KIF3A: variants seen among roughly 807,000 people sequenced by gnomAD.
The protein encoded by KIF3A is kinesin family member 3A.
KIF3A carries 27 observed loss-of-function variants against 92.6 expected under a neutral mutation model. The ratio of observed to expected loss-of-function variants is 0.29; its 90% confidence interval spans 0.21 to 0.40. The LOEUF is 0.40. KIF3A is among the 10% of genes least tolerant of loss of function. The pLI, the probability that KIF3A is intolerant of heterozygous loss-of-function variation, is 1.00. For missense variants in KIF3A, 581 were observed against 872.6 expected (o/e 0.67, Z 4.21); for synonymous variants, 250 against 275.4 (o/e 0.91, Z 0.92).
chr5:132,714,960 T>C (rs1753566576), intron 8 of KIF3A, among the ~76,000 whole-genome samples: 1 of 152,210 alleles, frequency 6.6e-6, no homozygotes, highest in Non-Finnish European at 1.5e-5. Context: ...GTTCTCTTAC[T>C]GCTTTTCCTC....
chr5:132,730,730 C>G (rs59354656), intron 2 of KIF3A, among the ~76,000 whole-genome samples: 60,206 of 151,732 alleles, frequency 0.4, 18,411 homozygotes, highest in African/African-American at 0.82. Context: ...GGGAGGTAGA[C>G]GCTAAGTGAG....
chr5:132,708,228 G>A (rs531484839), intron 10 of KIF3A, among the ~76,000 whole-genome samples: 1 of 146,148 alleles, frequency 6.8e-6, no homozygotes, highest in East Asian at 2.0e-4. Context: ...CTTGCAGTGA[G>A]CCAAGACTGC....
At chr5:132,715,714 A>G (rs1461066551) in intron 8 of KIF3A, 43 bp downstream of exon 8, 1 of 1,478,886 alleles carries the variant, frequency 6.8e-7, no homozygotes, top group Non-Finnish European at 9.3e-7. Context: ...TCAACAATGT[A>G]TTTTTAGCCA....
chr5:132,726,617 C>G (rs947976944), intron 2 of KIF3A, 119 bp from the exon 3 acceptor site: 2 of 875,902 alleles, frequency 2.3e-6, no homozygotes, highest in Non-Finnish European at 3.6e-6. Flanking sequence ...AAAATTTATT[C>G]TAGCACAAGT....
At chr5:132,700,343 G>T in intron 16 of KIF3A, 59 bp from the exon 17 acceptor site, 1 of 1,002,122 alleles carries the variant, frequency 1.0e-6, no homozygotes, top group Non-Finnish European at 1.5e-6. Flanking sequence ...AATACTGTGA[G>T]TTAGGCAAAT....
chr5:132,699,736 A>AT (rs1203847031), intron 17 of KIF3A, among the ~76,000 whole-genome samples: 3 of 150,540 alleles, frequency 2.0e-5, no homozygotes, highest in East Asian at 3.9e-4. Flanking sequence ...TTTTTTTTGT[A>AT]TTTTTTTAGT....
chr5:132,719,330 A>G (rs1399938949), intron 5 of KIF3A, among the ~76,000 whole-genome samples: 1 of 152,160 alleles, frequency 6.6e-6, no homozygotes, highest in East Asian at 1.9e-4. Flanking sequence ...ATTTTTTGCT[A>G]ATTTTTCTAT....
chr5:132,726,108 C>A lies in KIF3A; in HGVS notation c.510+20G>T, dbSNP rs1421474990. On this transcript the variant is annotated intron_variant, in intron 4 of 18. Transcript: ENST00000403231. Reference sequence around the variant, plus strand: ...CTATTGCTTTGGAAAAAGTACTCCACCAATTTCAATTATCCTTACCTCTAA... The same window carrying A: ...CTATTGCTTTGGAAAAAGTACTCCAACAATTTCAATTATCCTTACCTCTAA... The A allele has an allele frequency of 2.6e-6, 4 of 1,541,010 alleles. No individual in the cohort carries two copies. Among genetic ancestry groups the A allele is most frequent in the South Asian group, 2.4e-5 (2 of 82,514 alleles).
chr5:132,716,905 T>C lies in KIF3A; in HGVS notation c.696A>G (p.Glu232=). 6.2e-7 allele frequency: 1 copy of C among 1,614,028 alleles called. No homozygotes were observed. Among genetic ancestry groups the C allele is most frequent in the Non-Finnish European group, 8.5e-7 (1 of 1,179,882 alleles). ...CATGCATGTTACCATCAATGCCTTT[T>C]TCACTGCATTCTATAGTAATTGTAA... ...AIFTITIECS[E]KGIDGNMHVR... The change falls in exon 6 of 19, where the codon GAA becomes GAG. Residue 232 remains glutamate, a synonymous_variant. Transcript: ENST00000403231.
Position 132,737,408 on chromosome 5 carries a change from C to G in KIF3A, c.6+6G>C, listed in dbSNP as rs1754438749. The G allele has an allele frequency of 2.5e-6, 4 of 1,608,730 alleles. No individual in the cohort carries two copies. The East Asian group carries it at 9.1e-5, about 37-fold the overall frequency. ...GAAACCCCAGAAGCGAAGCGACTCT[C>G]CTCACCGGCATCTTGGCCCCCTCCC... On this transcript the variant is annotated splice_donor_region_variant and intron_variant, in intron 1 of 18. Transcript: ENST00000403231.
At chr5:132,724,807 ATATATATATATAT>A (rs1364520750) in intron 4 of KIF3A, among the ~76,000 whole-genome samples, 19 of 30,106 alleles carry the variant, frequency 6.3e-4, no homozygotes, top group African/African-American at 1.9e-3. Flanking sequence ...AAAAAAAAAA[ATATATATATATAT>A]ATATATATAT....
chr5:132,727,564 G>A lies in KIF3A; in HGVS notation c.281-1066C>T, dbSNP rs115397785. Among the ~76,000 whole-genome samples the A allele has an allele frequency of 9.8e-3, 1,493 of 152,292 alleles. 23 individuals are homozygous for A. Among genetic ancestry groups the A allele is most frequent in the African/African-American group, 0.035 (1,439 of 41,558 alleles). On this transcript the variant is annotated intron_variant, in intron 2 of 18. Coordinates refer to ENST00000403231, the MANE Select transcript of KIF3A (RefSeq NM_001300791.2). ...ATGAGACCAGAATGGAAGAAACAGA[G>A]ATGGAAAGGGAAGATGGATGCAGGC...
rs1271308612 is a variant in KIF3A at position 132,737,497 on chromosome 5, C to T, written c.-78G>A. 3 of 1,531,724 alleles carry T rather than the reference C, an allele frequency of 2.0e-6. No homozygotes were observed. The highest frequency in any genetic ancestry group is 2.7e-6 in the Non-Finnish European group (3 of 1,121,552). The allele number at this position is 1,531,724 out of a possible 1,614,324, so 94.9% of individuals were successfully genotyped here. ...GACACCGGGTGCGCAGAAAGGATGG[C>T]CAGAGACTACCGAAACACCTCGTTG... On this transcript the variant is annotated 5_prime_UTR_variant, in exon 1 of 19. Transcript: ENST00000403231.
At position 132,737,496 on chromosome 5, in the gene KIF3A, G is replaced by C; in HGVS notation, c.-77C>G. 6.5e-7 allele frequency: 1 copy of C among 1,541,970 alleles called. No homozygotes were observed. The highest frequency in any genetic ancestry group is 8.8e-7 in the Non-Finnish European group (1 of 1,129,968). On this transcript the variant is annotated 5_prime_UTR_variant, in exon 1 of 19. Transcript: ENST00000403231. ...CGACACCGGGTGCGCAGAAAGGATG[G>C]CCAGAGACTACCGAAACACCTCGTT...
At chr5:132,691,842 C>T (rs1752672365), downstream of KIF3A, among the ~76,000 whole-genome samples, 1 of 151,742 alleles carries the variant, frequency 6.6e-6, no homozygotes, top group Admixed American at 6.6e-5. Flanking sequence ...GTGGAGGTTG[C>T]AGTGAGCTAA....
chr5:132,735,138 G>C (rs888014460), intron 1 of KIF3A, among the ~76,000 whole-genome samples: 3 of 152,052 alleles, frequency 2.0e-5, no homozygotes, highest in Non-Finnish European at 4.4e-5. Flanking sequence ...GCAGTGGCGT[G>C]ATCTCAGCTC....
chr5:132,737,360 G>C (rs571706875), intron 1 of KIF3A, 54 bp downstream of exon 1: 14 of 1,567,820 alleles, frequency 8.9e-6, no homozygotes, highest in Admixed American at 1.9e-5. Flanking sequence ...CCGCGCCCCC[G>C]GGCCAGGCCG....
At chr5:132,724,789 T>C (rs1414321919) in intron 4 of KIF3A, among the ~76,000 whole-genome samples, 1 of 55,224 alleles carries the variant, frequency 1.8e-5, no homozygotes, top group Non-Finnish European at 2.8e-5. Context: ...ACTTAAAGTA[T>C]AATAAAAAAA....
chr5:132,722,497 A>G (rs1343424664), intron 4 of KIF3A, among the ~76,000 whole-genome samples: 3 of 152,172 alleles, frequency 2.0e-5, no homozygotes, highest in Admixed American at 2.0e-4. Flanking sequence ...CAGGAATACT[A>G]AACATCCTGA....
Sources: gnomAD v4.1 joint callset for allele counts (sites outside exome capture counted in the v4.1 genomes callset) on GRCh38, gnomAD v4.1.1 for gene constraint, MANE v1.5 for transcripts, NCBI Gene and HGNC (gene_info 2026-07-23, HGNC 2026-07-21) for gene names.